Variants in KIF21A observed in about 807,000 individuals in gnomAD.
KIF21A encodes kinesin-like protein KIF21A.
Under a neutral mutation model 202.9 loss-of-function variants are expected in KIF21A, and 114 were observed. The observed-to-expected ratio is 0.56, with a 90% confidence interval of 0.48 to 0.66. KIF21A has a LOEUF of 0.66. Among genes scored for constraint, KIF21A ranks in the 30% least tolerant of loss-of-function variants. KIF21A has a pLI of 0.00. For synonymous variants in KIF21A, 667 were observed against 670.8 expected, an observed-to-expected ratio of 0.99 and a Z score of 0.09; for missense variants, 1,677 against 1,994.9, an observed-to-expected ratio of 0.84 and a Z score of 3.04.
At chr12:39,424,569 A>G (rs1192761121) in intron 1 of KIF21A, among the ~76,000 whole-genome samples, 10 of 152,232 alleles carry the variant, frequency 6.6e-5, no homozygotes, top group Non-Finnish European at 1.5e-4. Context: ...CAACACAGAC[A>G]ATATAGAACT....
At chr12:39,358,124 A>C in intron 8 of KIF21A, 54 bp downstream of exon 8, 1 of 1,462,496 alleles carries the variant, frequency 6.8e-7, no homozygotes, top group East Asian at 2.3e-5. Flanking sequence ...TTGTGTTCAG[A>C]AAGTGCCAGC....
At chr12:39,301,376 T>C (rs972296302) in intron 37 of KIF21A, 104 bp downstream of exon 37, 4 of 941,922 alleles carry the variant, frequency 4.2e-6, no homozygotes, top group Non-Finnish European at 3.4e-6. Flanking sequence ...AGAATGATTA[T>C]AAGAAGGATT....
At chr12:39,297,870 A>AATT (rs1284043354) in intron 37 of KIF21A, among the ~76,000 whole-genome samples, 140 of 149,320 alleles carry the variant, frequency 9.4e-4, no homozygotes, top group Non-Finnish European at 1.8e-3. Context: ...CAATAATAAT[A>AATT]ATTATTATTA....
intron 28 of KIF21A, among the ~76,000 whole-genome samples, chr12:39,319,138 T>A (rs1411345920): frequency 6.6e-6 from 1 of 152,202 alleles, no homozygotes; most frequent in African/African-American, 2.4e-5. Flanking sequence ...TATATTCACA[T>A]TTATTTTTAT....
chr12:39,320,452 C>A (rs1480746587), intron 27 of KIF21A, among the ~76,000 whole-genome samples: 1 of 141,450 alleles, frequency 7.1e-6, no homozygotes, highest in Non-Finnish European at 1.5e-5. Context: ...CAAAATAGTT[C>A]TATAGGTAAT....
intron 14 of KIF21A, 37 bp from the exon 15 acceptor site, chr12:39,341,131 A>G (rs768640781): frequency 7.0e-7 from 1 of 1,431,694 alleles, no homozygotes; most frequent in Admixed American, 1.9e-5. Flanking sequence ...TCCTGGTGCT[A>G]GGCCAAAATA....
intron 24 of KIF21A, among the ~76,000 whole-genome samples, chr12:39,329,837 TAC>T (rs112142522): frequency 0.017 from 2,528 of 152,120 alleles, 76 homozygotes; most frequent in African/African-American, 0.057. Context: ...TATATATATA[TAC>T]CAAAGATATA....
intron 6 of KIF21A, 43 bp from the exon 7 acceptor site, chr12:39,363,256 A>G (rs1949367079): frequency 1.8e-6 from 2 of 1,092,222 alleles, no homozygotes; most frequent in Non-Finnish European, 2.8e-6. Context: ...ATACAAATTT[A>G]CTAATTATAA....
intron 1 of KIF21A, among the ~76,000 whole-genome samples, chr12:39,420,203 G>A (rs1032955918): frequency 3.9e-5 from 6 of 151,988 alleles, no homozygotes; most frequent in African/African-American, 7.3e-5. Context: ...AGAATGGCCC[G>A]AGAATATGCC....
chr12:39,315,760 G>C (rs866782744), intron 30 of KIF21A, 172 bp downstream of exon 30: 2 of 699,012 alleles, frequency 2.9e-6, no homozygotes, highest in African/African-American at 3.6e-5. Context: ...TATCTAAAAG[G>C]TATGACCACA....
At chr12:39,365,167 C>T (rs892116995) in intron 6 of KIF21A, among the ~76,000 whole-genome samples, 6 of 152,134 alleles carry the variant, frequency 3.9e-5, no homozygotes, top group African/African-American at 1.4e-4. Context: ...TCCCTTAGCC[C>T]CCTCATTCAC....
chr12:39,384,646 C>G (rs1394205102), intron 1 of KIF21A, among the ~76,000 whole-genome samples: 1 of 152,128 alleles, frequency 6.6e-6, no homozygotes, highest in Non-Finnish European at 1.5e-5. Context: ...TGCTGTGAAA[C>G]AACTTACTAT....
At chr12:39,379,236 G>A (rs969791329) in intron 1 of KIF21A, among the ~76,000 whole-genome samples, 3 of 151,448 alleles carry the variant, frequency 2.0e-5, no homozygotes, top group Admixed American at 6.6e-5. Context: ...ACAATCGCTT[G>A]AGAATTGCTT....
intron 33 of KIF21A, among the ~76,000 whole-genome samples, chr12:39,308,928 T>G (rs1943737425): frequency 1.3e-5 from 2 of 152,214 alleles, no homozygotes; most frequent in Non-Finnish European, 2.9e-5. Context: ...ACCTTTCTTA[T>G]GCTCCCTTCT....
chr12:39,415,711 A>C (rs989515151), intron 1 of KIF21A, among the ~76,000 whole-genome samples: 1 of 152,178 alleles, frequency 6.6e-6, no homozygotes, highest in African/African-American at 2.4e-5. Context: ...CAAGCTTCAC[A>C]TATCAGCTTC....
intron 1 of KIF21A, among the ~76,000 whole-genome samples, chr12:39,433,685 G>A (rs926857299): frequency 6.6e-6 from 1 of 151,958 alleles, no homozygotes; most frequent in African/African-American, 2.4e-5. Flanking sequence ...TTACAAACAC[G>A]AAGAACTGTA....
At position 39,304,887 on chromosome 12, in the gene KIF21A, A is replaced by G. The variant is rs756983619; in HGVS notation, c.4494T>C (p.Leu1498=). ...LTGHLGPVMC[L]TVDQISSGQD... ...GTCCACTGGAAATCTGATCCACAGT[A>G]AGGCACATAACAGGGCCTAGGTGTC... Residue 1498 remains leucine (L), a synonymous_variant, in exon 35 of 38, where the codon CTT becomes CTC. Transcript: ENST00000361418. 3 of 1,609,450 alleles carry G rather than the reference A, an allele frequency of 1.9e-6. No homozygotes were observed. The highest frequency in any genetic ancestry group is 3.3e-5 in the Admixed American group (2 of 59,846).
At chr12:39,368,163 A>G in intron 3 of KIF21A, 131 bp from the exon 4 acceptor site, 1 of 628,320 alleles carries the variant, frequency 1.6e-6, no homozygotes, top group Non-Finnish European at 2.8e-6. Context: ...TTTCAAAATA[A>G]CACATTAAAA....
At chr12:39,323,009 A>ACAGAGATTT in intron 26 of KIF21A, 127 bp from the exon 27 acceptor site, 47 of 685,958 alleles carry the variant, frequency 6.9e-5, no homozygotes, top group South Asian at 1.3e-4. Flanking sequence ...AGGTGTGCCA[A>ACAGAGATTT]ACATAGCATG....
Sources: gnomAD v4.1 joint callset for allele counts (sites outside exome capture counted in the v4.1 genomes callset) on GRCh38, gnomAD v4.1.1 for gene constraint, MANE v1.5 for transcripts, NCBI Gene and HGNC (gene_info 2026-07-23, HGNC 2026-07-21) for gene names.